KAT5: variants seen among roughly 807,000 people sequenced by gnomAD.
KAT5 encodes the protein lysine acetyltransferase 5, also known as histone acetyltransferase KAT5.
KAT5 carries 31 observed loss-of-function variants against 68.1 expected under a neutral mutation model. The observed-to-expected ratio is 0.46, with a 90% CI of 0.34 to 0.61. KAT5 has a LOEUF of 0.61. Among genes scored for constraint, KAT5 ranks in the 20% least tolerant of loss-of-function variants. The pLI is 0.01. For missense variants in KAT5, 451 were observed against 725.5 expected, an observed-to-expected ratio of 0.62 and a Z score of 4.35; for synonymous variants, 365 against 292.6, an observed-to-expected ratio of 1.25 and a Z score of -2.52.
In KAT5 at chr11:65,719,537, C is replaced by T. The variant is rs1857326380; in HGVS notation, c.*356C>T. The T allele has an allele frequency of 1.6e-6, 1 of 617,052 alleles. No homozygotes were observed. Among genetic ancestry groups the T allele is most frequent in the Non-Finnish European group, 2.9e-6 (1 of 350,484 alleles). The allele number at this position is 617,052 out of a possible 1,614,324, so 38.2% of individuals were successfully genotyped here. ...GTAGAAGTTGGGGGTGGGGTGGGTG[C>T]TGGCTGCAAAAATTTCTGGCTTCTC... On this transcript the variant is annotated 3_prime_UTR_variant, in exon 13 of 13. Transcript: ENST00000341318.
Position 65,712,459 on chromosome 11 carries a change from G to C in KAT5, c.178+14G>C, listed in dbSNP as rs781288835. The C allele has an allele frequency of 1.1e-5, 17 of 1,587,376 alleles. No individual in the cohort carries two copies. The African/African-American group carries it at 1.4e-4, about 13-fold the overall frequency. ...AAGATGAGTGGCGTGAGTGACGTTG[G>C]GGGGCGGGACTAAGGAACCTGAGGG... On this transcript the variant is annotated intron_variant, in intron 1 of 12. Coordinates refer to ENST00000341318, the MANE Select transcript of KAT5 (RefSeq NM_182710.3).
At chr11:65,714,319 T>C (rs1857126774) in intron 6 of KAT5, 176 bp from the exon 7 acceptor site, 4 of 718,894 alleles carry the variant, frequency 5.6e-6, no homozygotes, top group Non-Finnish European at 9.0e-6. Flanking sequence ...TGGGTGATCT[T>C]TTCCACATCA....
At chr11:65,718,511 C>G in intron 10 of KAT5, 79 bp from the exon 11 acceptor site, 3 of 1,497,020 alleles carry the variant, frequency 2.0e-6, no homozygotes, top group Non-Finnish European at 2.7e-6. Context: ...GGCAGCCTGC[C>G]TTGGCAACCT....
Position 65,712,966 on chromosome 11 carries a change from C to T in KAT5, c.292C>T (p.Leu98=). 2 of 1,614,118 alleles carry T rather than the reference C, an allele frequency of 1.2e-6. No homozygotes were observed. The highest frequency in any genetic ancestry group is 1.1e-5 in the South Asian group (1 of 91,082). Reference sequence around the variant, plus strand: ...ATGGGTGACGCATGAGCGGCTGGACCTAAAGAAGATCCAGTTCCCCAAGAA... The same window carrying T: ...ATGGGTGACGCATGAGCGGCTGGACTTAAAGAAGATCCAGTTCCCCAAGAA... ...DEWVTHERLD[L]KKIQFPKKEA... is the part of the protein sequence containing the mutation. The change falls in exon 3 of 13, where the codon CTA becomes TTA. Residue 98 remains leucine, a synonymous_variant. Coordinates refer to ENST00000341318, the MANE Select transcript of KAT5 (RefSeq NM_182710.3).
At chr11:65,712,560 C>G (rs759253641) in intron 1 of KAT5, 115 bp downstream of exon 1, 6 of 1,348,174 alleles carry the variant, frequency 4.5e-6, no homozygotes, top group South Asian at 1.3e-5. Flanking sequence ...GGCGCAGATA[C>G]TTTGATGAAG....
chr11:65,718,323 C>T, intron 10 of KAT5: 2 of 397,506 alleles, frequency 5.0e-6, no homozygotes, highest in Non-Finnish European at 9.1e-6. Flanking sequence ...GCCCATAAGC[C>T]TTCACTGGCC....
chr11:65,714,013 G>A (rs1017154127), intron 6 of KAT5, 165 bp downstream of exon 6: 29 of 669,560 alleles, frequency 4.3e-5, no homozygotes, highest in Non-Finnish European at 6.6e-5. Context: ...GAGTCATTGG[G>A]GCCGGGCACC....
At position 65,714,900 on chromosome 11, in the gene KAT5, G is replaced by GT; in HGVS notation, c.1020dup (p.Lys341Ter). 1 of 1,613,890 alleles carries GT rather than the reference G, an allele frequency of 6.2e-7. No homozygotes were observed. The highest frequency in any genetic ancestry group is 1.7e-5 in the Admixed American group (1 of 60,024). ...ATCTCCTTCTTTGAGATTGATGGAC[G>GT]TAAGAACAAGGTTAGTGCTTGAGAG... On this transcript the variant is annotated frameshift_variant, in exon 8 of 13. Transcript: ENST00000341318. LOFTEE classifies it high-confidence loss of function.
rs1375740630 is a variant in KAT5, at chr11:65,718,920, C to G, written c.1472C>G (p.Thr491Ser). ...ATCAAGAAGGAGGATGTCATCTCCACTCTGCAGTACCTCAATCTCATCAAC... is the reference window on the plus strand; with the variant it reads ...ATCAAGAAGGAGGATGTCATCTCCAGTCTGCAGTACCTCAATCTCATCAAC... Reference protein sequence around the residue: ...TSIKKEDVISTLQYLNLINYY... With the variant: ...TSIKKEDVISSLQYLNLINYY... The change falls in exon 12 of 13, where the codon ACT becomes AGT. Residue 491 changes from threonine (T) to serine (S), a missense_variant. Thr to Ser is a moderately conservative substitution (Grantham distance 58, BLOSUM62 1). Coordinates refer to ENST00000341318, the MANE Select transcript of KAT5 (RefSeq NM_182710.3). 1.9e-6 allele frequency: 3 copies of G among 1,614,184 alleles called. No homozygotes were observed. The highest frequency in any genetic ancestry group is 2.2e-5 in the South Asian group (2 of 91,092).
intron 8 of KAT5, chr11:65,715,225 A>G (rs1265900237): frequency 2.7e-6 from 1 of 364,912 alleles, no homozygotes; most frequent in South Asian, 2.8e-5. Flanking sequence ...GCCTTGGTGG[A>G]TGACAAAGTG....
intron 11 of KAT5, 54 bp from the exon 12 acceptor site, chr11:65,718,819 G>T (rs1467160903): frequency 6.2e-7 from 1 of 1,613,074 alleles, no homozygotes; most frequent in Non-Finnish European, 8.5e-7. Flanking sequence ...CTCTCTCAGG[G>T]CTCCTGGGGA....
At position 65,718,572 on chromosome 11, in the gene KAT5, C is replaced by T. The variant is rs1294552087; in HGVS notation, c.1265-18C>T. ...ATCTGTGACCTCTTACTCACCCTCT[C>T]CTGCTCCATTGCTTTAGGCTATGAA... is the stretch of plus-strand genomic sequence containing the variant. On this transcript the variant is annotated intron_variant, in intron 10 of 12. Transcript: ENST00000341318. 6.8e-6 allele frequency: 11 copies of T among 1,611,200 alleles called. No individual in the cohort carries two copies. The highest frequency in any genetic ancestry group is 1.7e-5 in the Admixed American group (1 of 59,732).
At chr11:65,717,223 G>C in intron 10 of KAT5, 1 of 581,430 alleles carries the variant, frequency 1.7e-6, no homozygotes, top group South Asian at 2.0e-5. Flanking sequence ...GTGCCACTCA[G>C]CTTTCCCCAA....
chr11:65,719,272 A>C lies in KAT5; in HGVS notation c.*91A>C. ...CACTGCAGCTCCCACAAAGCACTCT[A>C]AGGGAGATGGGGCTGAGGACAGCTC... is the stretch of plus-strand genomic sequence containing the variant. On this transcript the variant is annotated 3_prime_UTR_variant, in exon 13 of 13. Transcript: ENST00000341318. 6.9e-7 allele frequency: 1 copy of C among 1,453,892 alleles called. No homozygotes were observed. The highest frequency in any genetic ancestry group is 1.8e-5 in the Admixed American group (1 of 54,800). 90.1% of individuals were successfully genotyped at this position (1,453,892 alleles called of 1,614,324 possible).
Position 65,718,741 on chromosome 11 carries a change from C to A in KAT5, c.1416C>A (p.Ile472=). Residue 472 remains isoleucine (I), a synonymous_variant, in exon 11 of 13, where the codon ATC becomes ATA. Coordinates refer to ENST00000341318, the MANE Select transcript of KAT5 (RefSeq NM_182710.3). ...LKSESGERPQ[I]TINEISEITS... ...CGGAGAGCGGGGAGAGGCCACAGAT[C>A]ACCATCAAGTGAGCCTGGCGCTGTC... is the stretch of plus-strand genomic sequence containing the variant. The A allele has an allele frequency of 6.2e-7, 1 of 1,614,192 alleles. No homozygotes were observed. The highest frequency in any genetic ancestry group is 8.5e-7 in the Non-Finnish European group (1 of 1,180,030).
At chr11:65,712,516 T>A in intron 1 of KAT5, 71 bp downstream of exon 1, 2 of 1,176,718 alleles carry the variant, frequency 1.7e-6, no homozygotes, top group Non-Finnish European at 2.3e-6. Context: ...AATCCCGGGA[T>A]GGGGAGGGGC....
chr11:65,712,608 G>A, intron 1 of KAT5, 158 bp from the exon 2 acceptor site: 1 of 1,220,520 alleles, frequency 8.2e-7, no homozygotes, highest in Non-Finnish European at 1.2e-6. Flanking sequence ...GTACAGGGCG[G>A]GGCCTGGAAA....
At chr11:65,712,705 T>C in intron 1 of KAT5, 61 bp from the exon 2 acceptor site, 1 of 1,580,464 alleles carries the variant, frequency 6.3e-7, no homozygotes, top group Non-Finnish European at 8.7e-7. Flanking sequence ...GTTCAGGTCG[T>C]GGAAGGGTGG....
At position 65,713,419 on chromosome 11, in the gene KAT5, C is replaced by T; in HGVS notation, c.456C>T (p.Pro152=). 1.9e-6 allele frequency: 3 copies of T among 1,614,112 alleles called. No individual in the cohort carries two copies. Among genetic ancestry groups the T allele is most frequent in the Non-Finnish European group, 2.5e-6 (3 of 1,180,008 alleles). ...PVQITLRFNL[P]KEREAIPGGE... The stretch of plus-strand genomic sequence containing the variant: ...AGATCACACTCCGCTTCAACCTGCC[C>T]AAGGAGCGGGAGGCCATTCCCGGTG... Residue 152 remains proline (P), a synonymous_variant, in exon 4 of 13, where the codon CCC becomes CCT. Transcript: ENST00000341318.
Sources: allele counts gnomAD v4.1 joint callset, GRCh38; gene constraint gnomAD v4.1.1; transcripts MANE v1.5; gene names NCBI Gene and HGNC (gene_info 2026-07-23, HGNC 2026-07-21).